CTCF: variants seen among roughly 807,000 people sequenced by gnomAD.
CTCF encodes transcriptional repressor CTCF.
CTCF carries 7 observed loss-of-function variants against 72.3 expected under a neutral mutation model. The observed-to-expected ratio is 0.10, with a 90% CI of 0.06 to 0.18. CTCF has a LOEUF of 0.18. Among genes scored for constraint, CTCF ranks in the 10% least tolerant of loss-of-function variants. The pLI, the probability that CTCF is intolerant of heterozygous loss-of-function variation, is 1.00. For synonymous variants in CTCF, 374 were observed against 315.8 expected (o/e 1.18, Z -1.95); for missense variants, 516 against 949.1 (o/e 0.54, Z 6.00).
chr16:67,584,341 T>A (rs1285388576), intron 2 of CTCF, among the ~76,000 whole-genome samples: 2 of 144,160 alleles, frequency 1.4e-5, no homozygotes, highest in African/African-American at 2.6e-5. Context: ...AGTCTTCTTT[T>A]TTTTTTTTTT....
At chr16:67,630,197 A>G (rs1224557346) in intron 10 of CTCF, among the ~76,000 whole-genome samples, 1 of 152,104 alleles carries the variant, frequency 6.6e-6, no homozygotes, top group Non-Finnish European at 1.5e-5. Context: ...TAACTTTTAC[A>G]TTTAGGAAGC....
rs2142780165 is a variant in CTCF, at chr16:67,597,346, T to TTTTTTTA, written c.-9-13473_-9-13467dup. Among the ~76,000 whole-genome samples the TTTTTTTA allele has an allele frequency of 2.0e-5, 3 of 152,280 alleles. No homozygotes were observed. The East Asian group carries it at 5.8e-4, about 29-fold the overall frequency. ...TCTGTACCTGGCCACTAATGCTTTT[T>TTTTTTTA]TTTTTTATTTTGATACAGAGTCTCG... On this transcript the variant is annotated intron_variant, in intron 2 of 11. Coordinates refer to ENST00000264010, the MANE Select transcript of CTCF (RefSeq NM_006565.4).
At chr16:67,579,122 G>T (rs2051545122) in intron 2 of CTCF, among the ~76,000 whole-genome samples, 1 of 150,992 alleles carries the variant, frequency 6.6e-6, no homozygotes, top group African/African-American at 2.4e-5. Flanking sequence ...GAGTGTGGTG[G>T]CACACGCCTG....
In CTCF at chr16:67,611,991, G is replaced by C. The variant is rs754924154; in HGVS notation, c.822G>C (p.Thr274=). 6.2e-7 allele frequency: 1 copy of C among 1,614,104 alleles called. No homozygotes were observed. Among genetic ancestry groups the C allele is most frequent in the Admixed American group, 1.7e-5 (1 of 59,996 alleles). The change falls in exon 4 of 12, where the codon ACG becomes ACC. Residue 274 remains threonine (T), a synonymous_variant. Transcript: ENST00000264010. ...KTFQCELCSY[T]CPRRSNLDRH... is the part of the protein sequence containing the mutation. ...TCCAGTGTGAGCTTTGCAGTTACACGTGTCCACGGCGTTCAAATTTGGATC... is the reference window on the plus strand; with the variant it reads ...TCCAGTGTGAGCTTTGCAGTTACACCTGTCCACGGCGTTCAAATTTGGATC...
chr16:67,562,551 C>G lies in CTCF; in HGVS notation c.-300C>G, dbSNP rs1044648069. The G allele has an allele frequency of 6.6e-6, 1 of 151,970 alleles. No homozygotes were observed. The highest frequency in any genetic ancestry group is 2.4e-5 in the African/African-American group (1 of 41,404). 9.4% of individuals were successfully genotyped at this position (151,970 alleles called of 1,614,324 possible). A position where few individuals can be genotyped will look rare whatever the true frequency, so the allele number is the denominator to read the frequency against. On this transcript the variant is annotated 5_prime_UTR_variant, in exon 1 of 12. Transcript: ENST00000264010. The stretch of plus-strand genomic sequence containing the variant: ...GACGCAGGCGCACTGCACCGCGCCG[C>G]CGCCATTTTGTGTCTGAGCCTGTGG...
intron 1 of CTCF, chr16:67,563,372 T>TC: frequency 6.6e-6 from 1 of 152,198 alleles, no homozygotes; most frequent in Admixed American, 6.5e-5. Flanking sequence ...GCCGCTGGTC[T>TC]CCGTCTCCGC....
At chr16:67,592,567 T>A (rs1022950099) in intron 2 of CTCF, among the ~76,000 whole-genome samples, 1 of 151,276 alleles carries the variant, frequency 6.6e-6, no homozygotes, top group African/African-American at 2.4e-5. Context: ...TTAGCCGGCA[T>A]GGTGGCATGC....
chr16:67,626,942 T>A (rs1046719116), intron 8 of CTCF: 5 of 357,282 alleles, frequency 1.4e-5, no homozygotes, highest in African/African-American at 1.0e-4. Flanking sequence ...AGCAGACATC[T>A]TTCTGAAAAC....
At chr16:67,610,302 G>A (rs536376779) in intron 2 of CTCF, among the ~76,000 whole-genome samples, 1 of 151,210 alleles carries the variant, frequency 6.6e-6, no homozygotes, top group Non-Finnish European at 1.5e-5. Context: ...TCAGAGTTTT[G>A]GAGTTTGTTT....
rs760844642 is a variant in CTCF at position 67,636,831 on chromosome 16, A to G, written c.1979A>G (p.Asn660Ser). 6 of 1,595,994 alleles carry G rather than the reference A, an allele frequency of 3.8e-6. No homozygotes were observed. The highest frequency in any genetic ancestry group is 2.7e-5 in the African/African-American group (2 of 74,410). ...AGAGGACGACCCCCTGGCAGAACCA[A>G]CCAGCCCAAACAGAACCAGCGTAAG... ...KRRGRPPGRTNQPKQNQPTAI... is the reference protein window; with the variant it reads ...KRRGRPPGRTSQPKQNQPTAI... The change falls in exon 11 of 12, where the codon AAC becomes AGC. Residue 660 changes from asparagine (N) to serine (S), a missense_variant. Asn to Ser is a conservative substitution (Grantham distance 46). Transcript: ENST00000264010.
At chr16:67,599,649 A>AT (rs561082809) in intron 2 of CTCF, among the ~76,000 whole-genome samples, 2 of 152,118 alleles carry the variant, frequency 1.3e-5, no homozygotes, top group African/African-American at 4.8e-5. Context: ...GAATAATAAA[A>AT]TTTTTTTATC....
chr16:67,571,093 A>G (rs572261657), intron 1 of CTCF, 55 bp from the exon 2 acceptor site: 3 of 152,094 alleles, frequency 2.0e-5, no homozygotes, highest in South Asian at 2.1e-4. Context: ...TTCATACTAT[A>G]TGCGTATTTG....
At chr16:67,589,099 C>T (rs866070066) in intron 2 of CTCF, among the ~76,000 whole-genome samples, 3 of 151,802 alleles carry the variant, frequency 2.0e-5, no homozygotes, top group Non-Finnish European at 2.9e-5. Flanking sequence ...CAAGACCAGC[C>T]GAGGCAACAA....
rs1555530723 is a variant in CTCF at position 67,572,948 on chromosome 16, C to CCG, written c.-10+1685_-10+1686insGC. 1.4e-4 allele frequency among the ~76,000 whole-genome samples: 11 copies of CCG among 76,646 alleles called. 1 individual carries two copies. Among genetic ancestry groups the CCG allele is most frequent in the Non-Finnish European group, 2.0e-4 (8 of 39,710 alleles). The allele number at this position is 76,646 out of a possible 152,430, so 50.3% of individuals were successfully genotyped here. ...GAGTGACTCTGTCTGCCCCCCCCCG[C>CCG]CCCCCCCCCCAAAACAACAAAAGAC... is the stretch of plus-strand genomic sequence containing the variant. On this transcript the variant is annotated intron_variant, in intron 2 of 11. Coordinates refer to ENST00000264010, the MANE Select transcript of CTCF (RefSeq NM_006565.4).
At chr16:67,633,530 A>G (rs2052390835) in intron 10 of CTCF, among the ~76,000 whole-genome samples, 1 of 152,174 alleles carries the variant, frequency 6.6e-6, no homozygotes, top group African/African-American at 2.4e-5. Context: ...TTAAGTCCAA[A>G]AACTTGACCT....
At chr16:67,625,003 C>T (rs1489265765) in intron 7 of CTCF, among the ~76,000 whole-genome samples, 1 of 152,184 alleles carries the variant, frequency 6.6e-6, no homozygotes, top group Non-Finnish European at 1.5e-5. Context: ...CGGCTCACTG[C>T]AACCACCACT....
At chr16:67,602,116 G>C (rs577639223) in intron 2 of CTCF, among the ~76,000 whole-genome samples, 1 of 151,914 alleles carries the variant, frequency 6.6e-6, no homozygotes, top group Non-Finnish European at 1.5e-5. Context: ...CGCCTGCCTC[G>C]GCCTCCCAAA....
chr16:67,601,021 T>G (rs2142789770), intron 2 of CTCF, among the ~76,000 whole-genome samples: 1 of 152,002 alleles, frequency 6.6e-6, no homozygotes, highest in African/African-American at 2.4e-5. Flanking sequence ...AGGAACTGAG[T>G]ATTTGAAAGC....
chr16:67,620,589 T>C, intron 5 of CTCF, 108 bp from the exon 6 acceptor site: 1 of 835,058 alleles, frequency 1.2e-6, no homozygotes, highest in South Asian at 2.6e-5. Context: ...TAGACTTCTG[T>C]ATTCTGAACT....
Sources: allele counts gnomAD v4.1 joint callset (sites outside exome capture counted in the v4.1 genomes callset), GRCh38; gene constraint gnomAD v4.1.1; transcripts MANE v1.5; gene names NCBI Gene and HGNC (gene_info 2026-07-23, HGNC 2026-07-21).